The following BABAM2 variants were observed in gnomAD, a reference collection of about 807,000 sequenced individuals.
BABAM2 encodes BRISC and BRCA1-A complex member 2.
Under a neutral mutation model 54.7 loss-of-function variants are expected in BABAM2, and 31 were observed. That is an observed-to-expected ratio of 0.57 (90% confidence interval 0.43 to 0.77). The LOEUF is 0.77. Ranked by LOEUF, BABAM2 falls within the 30% of genes least tolerant of loss-of-function variation. The pLI is 0.00. For missense variants in BABAM2, 364 were observed against 455.8 expected (o/e 0.80, Z 1.83); for synonymous variants, 167 against 162.9 (o/e 1.03, Z -0.19).
chr2:28,143,698 A>G (rs1288892363), intron 7 of BABAM2, among the ~76,000 whole-genome samples: 4 of 152,220 alleles, frequency 2.6e-5, no homozygotes, highest in African/African-American at 4.8e-5. Flanking sequence ...GTATGTGGAT[A>G]CTGATGCTGG....
intron 6 of BABAM2, among the ~76,000 whole-genome samples, chr2:28,104,762 C>T (rs1426165064): frequency 2.0e-5 from 3 of 152,094 alleles, no homozygotes; most frequent in Non-Finnish European, 2.9e-5. Flanking sequence ...TGGCACTATT[C>T]ACAATAGCAA....
intron 7 of BABAM2, among the ~76,000 whole-genome samples, chr2:28,216,614 C>T (rs987808524): frequency 6.6e-6 from 1 of 152,190 alleles, no homozygotes. Context: ...CATCCAATAT[C>T]GTACAGAGTG....
At chr2:28,300,082 G>A (rs1687989242) in intron 11 of BABAM2, among the ~76,000 whole-genome samples, 1 of 152,124 alleles carries the variant, frequency 6.6e-6, no homozygotes, top group East Asian at 1.9e-4. Context: ...GGGACTATCG[G>A]CATGTGCCAC....
At chr2:28,014,250 T>C (rs1674632942) in intron 4 of BABAM2, among the ~76,000 whole-genome samples, 1 of 152,164 alleles carries the variant, frequency 6.6e-6, no homozygotes, top group African/African-American at 2.4e-5. Context: ...AAGATTCTTT[T>C]CAAATAACAA....
chr2:28,051,251 G>A (rs577070059), intron 6 of BABAM2, among the ~76,000 whole-genome samples: 7 of 152,192 alleles, frequency 4.6e-5, no homozygotes, highest in East Asian at 1.9e-4. Context: ...GCAACTATCC[G>A]CAGTGTCCTG....
rs116156467 is a variant in BABAM2 at position 28,132,963 on chromosome 2, G to A, written c.680+3583G>A. ...AATAAGTAGTTCTCACCAAAATATT[G>A]GAAAATGCCTCACTGAAAGGTCTTA... On this transcript the variant is annotated intron_variant, in intron 7 of 11. Transcript: ENST00000379624. Among the ~76,000 whole-genome samples, 793 of 152,098 alleles carry A rather than the reference G, an allele frequency of 5.2e-3. 6 individuals are homozygous for A. Among genetic ancestry groups the A allele is most frequent in the African/African-American group, 0.018 (767 of 41,484 alleles).
intron 7 of BABAM2, among the ~76,000 whole-genome samples, chr2:28,210,182 C>T (rs553119462): frequency 6.6e-6 from 1 of 152,304 alleles, no homozygotes; most frequent in Admixed American, 6.5e-5. Context: ...AAGGCCTGTC[C>T]TCCCTGGTTC....
chr2:28,338,770 A>G lies in BABAM2; in HGVS notation c.*257A>G. 2 of 427,776 alleles carry G rather than the reference A, an allele frequency of 4.7e-6. No homozygotes were observed. The highest frequency in any genetic ancestry group is 8.5e-6 in the Non-Finnish European group (2 of 235,612). 26.5% of individuals were successfully genotyped at this position (427,776 alleles called of 1,614,324 possible). A position where few individuals can be genotyped will look rare whatever the true frequency, so the allele number is the denominator to read the frequency against. On this transcript the variant is annotated 3_prime_UTR_variant, in exon 12 of 12. Coordinates refer to ENST00000379624, the MANE Select transcript of BABAM2 (RefSeq NM_199191.3). ...TTTCTTAGTTGGAAGAAATAAACTC[A>G]CAAATTATGGTGCAGTAATTTTCCG...
intron 7 of BABAM2, among the ~76,000 whole-genome samples, chr2:28,183,108 TC>T (rs1257892860): frequency 6.6e-6 from 1 of 152,182 alleles, no homozygotes; most frequent in Non-Finnish European, 1.5e-5. Context: ...TATTAATGGT[TC>T]CCATTAATCC....
chr2:28,226,335 T>A (rs954854754), intron 7 of BABAM2, among the ~76,000 whole-genome samples: 1 of 152,220 alleles, frequency 6.6e-6, no homozygotes, highest in African/African-American at 2.4e-5. Context: ...CATAAAGATA[T>A]ATACATTTAT....
chr2:27,931,046 AG>A (rs1668055281), intron 3 of BABAM2, among the ~76,000 whole-genome samples: 1 of 152,236 alleles, frequency 6.6e-6, no homozygotes, highest in South Asian at 2.1e-4. Flanking sequence ...TTGTATTCTT[AG>A]TACTATATTC....
chr2:28,263,344 A>G (rs1684704345), intron 10 of BABAM2, among the ~76,000 whole-genome samples: 2 of 152,194 alleles, frequency 1.3e-5, no homozygotes, highest in Non-Finnish European at 1.5e-5. Context: ...CCCATTTTAC[A>G]AAAAGCACCT....
intron 4 of BABAM2, among the ~76,000 whole-genome samples, chr2:28,002,427 A>G (rs996624421): frequency 1.3e-5 from 2 of 152,238 alleles, no homozygotes; most frequent in African/African-American, 4.8e-5. Flanking sequence ...TGATTTTGTG[A>G]TTGTTATTAA....
intron 6 of BABAM2, among the ~76,000 whole-genome samples, chr2:28,077,041 A>G (rs1464917513): frequency 2.6e-5 from 4 of 152,164 alleles, no homozygotes; most frequent in Non-Finnish European, 5.9e-5. Flanking sequence ...CTCAAATGCC[A>G]CTGTCTTTCA....
intron 7 of BABAM2, among the ~76,000 whole-genome samples, chr2:28,172,200 C>T (rs1674401571): frequency 6.6e-6 from 1 of 151,940 alleles, no homozygotes; most frequent in African/African-American, 2.4e-5. Context: ...CAGATGTGTG[C>T]ATTCATTTAG....
chr2:27,917,035 T>G (rs888706356), intron 2 of BABAM2, among the ~76,000 whole-genome samples: 59 of 149,936 alleles, frequency 3.9e-4, no homozygotes, highest in East Asian at 5.8e-4. Context: ...TTTTTTTTTT[T>G]TGTGACAGAG....
chr2:28,135,742 T>G (rs1307250137), intron 7 of BABAM2, among the ~76,000 whole-genome samples: 3 of 152,194 alleles, frequency 2.0e-5, no homozygotes, highest in Non-Finnish European at 4.4e-5. Context: ...TGACCATACC[T>G]CATGCCCCTA....
rs542141144 is a variant in BABAM2, at chr2:28,336,069, T to C, written c.1089-2381T>C. Among the ~76,000 whole-genome samples the C allele has an allele frequency of 1.4e-4, 21 of 152,272 alleles. 1 individual carries two copies. The East Asian group carries it at 2.5e-3, about 18-fold the overall frequency. On this transcript the variant is annotated intron_variant, in intron 11 of 11. Coordinates refer to ENST00000379624, the MANE Select transcript of BABAM2 (RefSeq NM_199191.3). ...TGCCAGGCTGAGAGTTTGGAGGACATTAAGGTCTTGGTCAGGAAAGGGACA... is the reference window on the plus strand; with the variant it reads ...TGCCAGGCTGAGAGTTTGGAGGACACTAAGGTCTTGGTCAGGAAAGGGACA...
At chr2:28,112,146 T>TCCC (rs1668114042) in intron 6 of BABAM2, among the ~76,000 whole-genome samples, 1 of 10,562 alleles carries the variant, frequency 9.5e-5, no homozygotes, top group African/African-American at 6.1e-4. Flanking sequence ...TCTTTCTTTC[T>TCCC]TTACCTCCCT....
Sources: allele counts gnomAD v4.1 joint callset (sites outside exome capture counted in the v4.1 genomes callset), GRCh38; gene constraint gnomAD v4.1.1; transcripts MANE v1.5; gene names NCBI Gene and HGNC (gene_info 2026-07-23, HGNC 2026-07-21).